GRIK3: variants seen among roughly 807,000 people sequenced by gnomAD.
The protein encoded by GRIK3 is glutamate receptor ionotropic, kainate 3.
Under a neutral mutation model 102.5 loss-of-function variants are expected in GRIK3, and 29 were observed. The ratio of observed to expected loss-of-function variants is 0.28; its 90% CI spans 0.21 to 0.39. GRIK3 has a LOEUF of 0.39. Ranked by LOEUF, GRIK3 falls within the 10% of genes least tolerant of loss-of-function variation. The probability of loss-of-function intolerance (pLI) is 1.00; values close to 1 mark genes in which losing one functional copy is unlikely to be tolerated. For synonymous variants in GRIK3, 511 were observed against 504.9 expected, an observed-to-expected ratio of 1.01 and a Z score of -0.16; for missense variants, 908 against 1,252.4, an observed-to-expected ratio of 0.73 and a Z score of 4.15.
At chr1:36,992,250 T>G (rs1205093716) in intron 1 of GRIK3, among the ~76,000 whole-genome samples, 1 of 151,892 alleles carries the variant, frequency 6.6e-6, no homozygotes, top group African/African-American at 2.4e-5. Flanking sequence ...TGAGGCAGGA[T>G]GTGCAAGGAA....
chr1:36,981,994 G>A (rs1316234009), intron 1 of GRIK3, among the ~76,000 whole-genome samples: 2 of 152,148 alleles, frequency 1.3e-5, no homozygotes, highest in Non-Finnish European at 2.9e-5. Context: ...GGAGTGTGGA[G>A]GAGGTGCTGC....
chr1:36,803,659 G>A (rs999075158), intron 15 of GRIK3, among the ~76,000 whole-genome samples: 6 of 152,162 alleles, frequency 3.9e-5, no homozygotes, highest in Non-Finnish European at 8.8e-5. Context: ...TCAATCTCTT[G>A]ACTTCGTGAT....
intron 1 of GRIK3, among the ~76,000 whole-genome samples, chr1:37,024,274 A>C (rs1642744395): frequency 6.6e-6 from 1 of 152,148 alleles, no homozygotes; most frequent in African/African-American, 2.4e-5. Flanking sequence ...GTTTCTGCAG[A>C]GCTCTAGTGT....
At chr1:36,907,973 C>T (rs1163554351) in intron 1 of GRIK3, among the ~76,000 whole-genome samples, 1 of 152,122 alleles carries the variant, frequency 6.6e-6, no homozygotes, top group Admixed American at 6.5e-5. Context: ...AGCCTGCCAT[C>T]AATAACCAAC....
intron 1 of GRIK3, among the ~76,000 whole-genome samples, chr1:36,962,904 G>GAGGA (rs1403315702): frequency 1.4e-5 from 2 of 144,818 alleles, no homozygotes; most frequent in African/African-American, 2.6e-5. Context: ...AAAAAAAAAG[G>GAGGA]AGGAAGGAAG....
At chr1:36,854,668 T>C (rs1184949832) in intron 7 of GRIK3, among the ~76,000 whole-genome samples, 4 of 152,208 alleles carry the variant, frequency 2.6e-5, no homozygotes, top group Non-Finnish European at 4.4e-5. Context: ...CAGCAGAGAC[T>C]GTGTGGCCTG....
At chr1:36,937,227 C>G (rs1158285455) in intron 1 of GRIK3, among the ~76,000 whole-genome samples, 1 of 152,104 alleles carries the variant, frequency 6.6e-6, no homozygotes, top group Non-Finnish European at 1.5e-5. Context: ...ATCCTTGGAG[C>G]ACAGAGTGGG....
At position 36,904,424 on chromosome 1, in the gene GRIK3, GT is replaced by G. The variant is rs1641264371; in HGVS notation, c.116-13329del. On this transcript the variant is annotated intron_variant, in intron 1 of 15. Coordinates refer to ENST00000373091, the MANE Select transcript of GRIK3 (RefSeq NM_000831.4). ...TTAAAAAGTTCTGCAGTGAACATGT[GT>G]TACATTTCTCATCAGAAAAGCCATC... is the stretch of plus-strand genomic sequence containing the variant. Among the ~76,000 whole-genome samples the G allele has an allele frequency of 8.5e-5, 13 of 152,130 alleles. 1 individual carries two copies. In the South Asian group the frequency reaches 2.7e-3, roughly 32 times the overall value.
chr1:36,835,368 G>A (rs1640363799), intron 10 of GRIK3, among the ~76,000 whole-genome samples: 1 of 152,232 alleles, frequency 6.6e-6, no homozygotes, highest in Admixed American at 6.5e-5. Context: ...GTCAGGAGCT[G>A]GTGGATAAAC....
At chr1:36,986,473 T>TCAGC (rs1179250714) in intron 1 of GRIK3, among the ~76,000 whole-genome samples, 14 of 146,090 alleles carry the variant, frequency 9.6e-5, no homozygotes, top group East Asian at 2.0e-4. Context: ...AGCCCATCCA[T>TCAGC]CCATCCATCC....
chr1:36,969,208 T>C (rs552194039), intron 1 of GRIK3, among the ~76,000 whole-genome samples: 42 of 152,240 alleles, frequency 2.8e-4, no homozygotes, highest in Non-Finnish European at 5.6e-4. Context: ...CAGGAGCCAG[T>C]CAAGACAGCC....
rs1191149066 is a variant in GRIK3, at chr1:37,030,532, C to G, written c.115+3462G>C. 4.0e-5 allele frequency among the ~76,000 whole-genome samples: 4 copies of G among 99,116 alleles called. 1 individual carries two copies. Among genetic ancestry groups the G allele is most frequent in the African/African-American group, 1.9e-4 (4 of 20,650 alleles). The allele number at this position is 99,116 out of a possible 152,430, so 65.0% of individuals were successfully genotyped here. A position where few individuals can be genotyped will look rare whatever the true frequency, so the allele number is the denominator to read the frequency against. On this transcript the variant is annotated intron_variant, in intron 1 of 15. Coordinates refer to ENST00000373091, the MANE Select transcript of GRIK3 (RefSeq NM_000831.4). ...AGAGCTGGGCCAACCCTTCCTTTTC[C>G]CCACCCCCCACCCCCTCCCCCCCCC...
rs186644233 is a variant in GRIK3 at position 36,978,796 on chromosome 1, G to A, written c.115+55198C>T. Among the ~76,000 whole-genome samples the A allele has an allele frequency of 2.6e-3, 392 of 152,300 alleles. 1 individual carries two copies. Among genetic ancestry groups the A allele is most frequent in the Middle Eastern group, 3.4e-3 (1 of 294 alleles). ...AAAGCATGCAAGGAGCCTTTGCAGAGGTCTAGGCTTAGAACTGGCACGATG... is the reference window on the plus strand; with the variant it reads ...AAAGCATGCAAGGAGCCTTTGCAGAAGTCTAGGCTTAGAACTGGCACGATG... On this transcript the variant is annotated intron_variant, in intron 1 of 15. Coordinates refer to ENST00000373091, the MANE Select transcript of GRIK3 (RefSeq NM_000831.4).
At chr1:36,998,505 G>A (rs927531383) in intron 1 of GRIK3, among the ~76,000 whole-genome samples, 1 of 152,220 alleles carries the variant, frequency 6.6e-6, no homozygotes, top group East Asian at 1.9e-4. Flanking sequence ...ATGTCTGCTG[G>A]AGAGGTTGAT....
In GRIK3 at chr1:36,898,670, T is replaced by C. The variant is rs112386504; in HGVS notation, c.116-7574A>G. Reference sequence around the variant, plus strand: ...ATTTCAATGTCAATGAAAATCCCAATGACATTTTTTTGCAGAAATAGAAAA... The same window carrying C: ...ATTTCAATGTCAATGAAAATCCCAACGACATTTTTTTGCAGAAATAGAAAA... On this transcript the variant is annotated intron_variant, in intron 1 of 15. Coordinates refer to ENST00000373091, the MANE Select transcript of GRIK3 (RefSeq NM_000831.4). Among the ~76,000 whole-genome samples, 641 of 152,230 alleles carry C rather than the reference T, an allele frequency of 4.2e-3. 6 individuals carry two copies. Among genetic ancestry groups the C allele is most frequent in the African/African-American group, 0.015 (619 of 41,556 alleles).
intron 10 of GRIK3, among the ~76,000 whole-genome samples, chr1:36,837,029 T>C (rs183234791): frequency 6.6e-5 from 10 of 151,984 alleles, no homozygotes; most frequent in African/African-American, 2.4e-4. Flanking sequence ...CTTCACCCCA[T>C]GCTCTCCTGA....
intron 1 of GRIK3, among the ~76,000 whole-genome samples, chr1:36,961,379 T>A (rs1642006551): frequency 7.0e-6 from 1 of 142,638 alleles, no homozygotes; most frequent in African/African-American, 2.7e-5. Context: ...ACAGGCTGAT[T>A]AGCATAATTA....
intron 1 of GRIK3, among the ~76,000 whole-genome samples, chr1:36,907,313 G>A (rs1641294327): frequency 6.6e-6 from 1 of 152,232 alleles, no homozygotes; most frequent in Non-Finnish European, 1.5e-5. Context: ...AAAGGGAACA[G>A]AGATGAAGTG....
At chr1:36,923,883 A>G (rs570036294) in intron 1 of GRIK3, among the ~76,000 whole-genome samples, 3 of 152,120 alleles carry the variant, frequency 2.0e-5, no homozygotes, top group South Asian at 2.1e-4. Context: ...CTGTAAACAC[A>G]TGCATGTACA....
Sources: gnomAD v4.1 joint callset for allele counts (sites outside exome capture counted in the v4.1 genomes callset) on GRCh38, gnomAD v4.1.1 for gene constraint, MANE v1.5 for transcripts, NCBI Gene and HGNC (gene_info 2026-07-23, HGNC 2026-07-21) for gene names.